The following VPS41 variants were observed in gnomAD, a reference collection of about 807,000 sequenced individuals.
The protein encoded by VPS41 is VPS41 subunit of HOPS complex, also known as vacuolar protein sorting-associated protein 41 homolog.
A neutral mutation model predicts 130.9 loss-of-function variants in VPS41; 85 were observed. The ratio of observed to expected loss-of-function variants is 0.65; its 90% CI spans 0.55 to 0.78. The LOEUF (loss-of-function observed/expected upper bound fraction) is 0.78, where lower values mean the gene tolerates loss of function less well. VPS41 is among the 30% of genes least tolerant of loss of function. VPS41 has a pLI of 0.00. For missense variants in VPS41, 874 were observed against 1,018.7 expected, an observed-to-expected ratio of 0.86 and a Z score of 1.93; for synonymous variants, 335 against 332.9, an observed-to-expected ratio of 1.01 and a Z score of -0.07.
chr7:38,746,644 G>A (rs2286100), intron 22 of VPS41, among the ~76,000 whole-genome samples: 49,724 of 151,842 alleles, frequency 0.33, 8,894 homozygotes, highest in Admixed American at 0.54. Flanking sequence ...ACCGGGTGCA[G>A]TATGATGAAT....
intron 17 of VPS41, 64 bp downstream of exon 17, chr7:38,763,391 T>C (rs920037234): frequency 2.0e-5 from 23 of 1,175,414 alleles, no homozygotes; most frequent in Non-Finnish European, 3.6e-6. Flanking sequence ...ATTGTATTCC[T>C]TTCTAGATTT....
intron 10 of VPS41, among the ~76,000 whole-genome samples, chr7:38,786,831 A>T (rs906511761): frequency 1.3e-5 from 2 of 152,146 alleles, no homozygotes; most frequent in African/African-American, 4.8e-5. Context: ...GGGCACACAC[A>T]CACAAAGATC....
chr7:38,744,365 T>C (rs546020840), intron 23 of VPS41, among the ~76,000 whole-genome samples: 8 of 152,170 alleles, frequency 5.3e-5, no homozygotes, highest in African/African-American at 1.9e-4. Flanking sequence ...CTTGAATCCT[T>C]CCCCCTGCAC....
At chr7:38,803,985 G>C (rs921361499) in intron 7 of VPS41, among the ~76,000 whole-genome samples, 37 of 152,134 alleles carry the variant, frequency 2.4e-4, no homozygotes, top group African/African-American at 8.7e-4. Context: ...TAAATTCAGT[G>C]GTTATTTTCT....
intron 2 of VPS41, among the ~76,000 whole-genome samples, chr7:38,889,107 T>A (rs1302783252): frequency 2.0e-5 from 3 of 147,766 alleles, no homozygotes; most frequent in African/African-American, 5.0e-5. Flanking sequence ...AAGTATAATT[T>A]AAAAAAAAAA....
intron 17 of VPS41, among the ~76,000 whole-genome samples, chr7:38,760,843 G>C (rs1783896636): frequency 6.6e-6 from 1 of 151,998 alleles, no homozygotes; most frequent in Admixed American, 6.6e-5. Flanking sequence ...ATAATACTTA[G>C]AAATGAAAAC....
At chr7:38,897,397 G>A (rs946438931) in intron 2 of VPS41, among the ~76,000 whole-genome samples, 2 of 151,978 alleles carry the variant, frequency 1.3e-5, no homozygotes, top group Admixed American at 1.3e-4. Context: ...TGTAATCCCA[G>A]CACTTTGGGA....
intron 2 of VPS41, among the ~76,000 whole-genome samples, chr7:38,883,198 G>T (rs962127531): frequency 1.3e-5 from 2 of 152,130 alleles, no homozygotes; most frequent in Non-Finnish European, 2.9e-5. Flanking sequence ...AGCCGAGATC[G>T]GCCGCTGCGC....
intron 5 of VPS41, among the ~76,000 whole-genome samples, chr7:38,823,902 T>C (rs1386516727): frequency 6.6e-6 from 1 of 152,156 alleles, no homozygotes; most frequent in East Asian, 1.9e-4. Context: ...TATATAGGCA[T>C]AGGATAATAT....
At chr7:38,893,468 A>C (rs1786909796) in intron 2 of VPS41, among the ~76,000 whole-genome samples, 1 of 152,254 alleles carries the variant, frequency 6.6e-6, no homozygotes, top group Admixed American at 6.5e-5. Flanking sequence ...AAAAGATCTT[A>C]ATGCTTCAAA....
At chr7:38,815,924 CTA>C (rs3056367) in intron 7 of VPS41, among the ~76,000 whole-genome samples, 39,459 of 150,000 alleles carry the variant, frequency 0.26, 6,352 homozygotes, top group South Asian at 0.43. Flanking sequence ...CAATAAACTA[CTA>C]TATATATATA....
intron 6 of VPS41, among the ~76,000 whole-genome samples, chr7:38,818,680 A>C (rs1253921266): frequency 4.6e-5 from 7 of 151,840 alleles, no homozygotes; most frequent in Non-Finnish European, 7.4e-5. Context: ...GCTTGCATAG[A>C]CTCCACCTCC....
chr7:38,776,726 C>T lies in VPS41; in HGVS notation c.835G>A (p.Asp279Asn). Residue 279 changes from aspartate to asparagine, a missense_variant, in exon 11 of 29, where the codon GAT becomes AAT. Asp to Asn is a conservative substitution (Grantham distance 23, BLOSUM62 1). Transcript: ENST00000310301. ...FYISGLAPLC[D>N]QLVVLSYVKE... ...ACATACGAAAGTACAACAAGCTGATCACAGAGAGGTGCAAGTCCACTGATG... is the reference window on the plus strand; with the variant it reads ...ACATACGAAAGTACAACAAGCTGATTACAGAGAGGTGCAAGTCCACTGATG... 6.2e-7 allele frequency: 1 copy of T among 1,612,478 alleles called. No homozygotes were observed. Among genetic ancestry groups the T allele is most frequent in the Non-Finnish European group, 8.5e-7 (1 of 1,178,804 alleles).
chr7:38,838,524 G>C (rs1785541786), intron 4 of VPS41, among the ~76,000 whole-genome samples: 1 of 152,174 alleles, frequency 6.6e-6, no homozygotes, highest in South Asian at 2.1e-4. Context: ...ATTACTAATG[G>C]AGACATGTTT....
intron 25 of VPS41, among the ~76,000 whole-genome samples, chr7:38,735,517 A>ATATGCG (rs1795746185): frequency 1.3e-5 from 2 of 151,676 alleles, no homozygotes; most frequent in Non-Finnish European, 2.9e-5. Flanking sequence ...GTACATGTGT[A>ATATGCG]TATGTGTATG....
At chr7:38,861,444 A>G (rs1431897112) in intron 4 of VPS41, among the ~76,000 whole-genome samples, 1 of 152,188 alleles carries the variant, frequency 6.6e-6, no homozygotes, top group Non-Finnish European at 1.5e-5. Flanking sequence ...TCCAGTGGGT[A>G]GAAGAGGGAA....
chr7:38,734,007 GC>G (rs1490021516), intron 25 of VPS41, among the ~76,000 whole-genome samples: 1 of 152,110 alleles, frequency 6.6e-6, no homozygotes, highest in African/African-American at 2.4e-5. Context: ...GATCACTTGA[GC>G]CCGGGAGGTC....
intron 5 of VPS41, among the ~76,000 whole-genome samples, chr7:38,826,202 C>A (rs1270903519): frequency 1.3e-5 from 2 of 152,108 alleles, no homozygotes; most frequent in Non-Finnish European, 2.9e-5. Context: ...TTTTAGGGTC[C>A]CTGTTGCTGA....
At chr7:38,864,151 G>A (rs539908855) in intron 3 of VPS41, among the ~76,000 whole-genome samples, 35 of 152,222 alleles carry the variant, frequency 2.3e-4, no homozygotes, top group African/African-American at 6.3e-4. Flanking sequence ...CATAAATACC[G>A]TATTTAGTTT....
Sources: gnomAD v4.1 joint callset for allele counts (sites outside exome capture counted in the v4.1 genomes callset) on GRCh38, gnomAD v4.1.1 for gene constraint, MANE v1.5 for transcripts, NCBI Gene and HGNC (gene_info 2026-07-23, HGNC 2026-07-21) for gene names.